Variants in ATP6V1H observed in about 807,000 individuals in gnomAD.
ATP6V1H encodes the protein ATPase H+ transporting V1 subunit H, also known as V-type proton ATPase subunit H.
A neutral mutation model predicts 71.7 loss-of-function variants in ATP6V1H; 39 were observed. The observed-to-expected ratio is 0.54, with a 90% CI of 0.42 to 0.71. The LOEUF is 0.71. ATP6V1H is among the 30% of genes least tolerant of loss of function. ATP6V1H has a pLI of 0.00. For missense variants in ATP6V1H, 509 were observed against 594.9 expected (o/e 0.86, Z 1.50); for synonymous variants, 192 against 199.3 (o/e 0.96, Z 0.31).
chr8:53,769,615 T>TA lies in ATP6V1H; in HGVS notation c.1175+2dup. 2.5e-6 allele frequency: 4 copies of TA among 1,610,070 alleles called. No individual in the cohort carries two copies. Among genetic ancestry groups the TA allele is most frequent in the Non-Finnish European group, 3.4e-6 (4 of 1,178,442 alleles). ...AGAGTGTAAAGTAGAACAAAAAACT[T>TA]ACTTCAAGAGTTCATAATTCTTCTC... On this transcript the variant is annotated splice_region_variant and intron_variant, in intron 11 of 13. Coordinates refer to ENST00000359530, the MANE Select transcript of ATP6V1H (RefSeq NM_015941.4).
chr8:53,814,096 T>G (rs910986296), intron 6 of ATP6V1H, among the ~76,000 whole-genome samples: 1 of 152,142 alleles, frequency 6.6e-6, no homozygotes, highest in Non-Finnish European at 1.5e-5. Flanking sequence ...CAGGACCAGT[T>G]TGTTTATTAG....
chr8:53,750,883 A>G (rs1208905200), intron 12 of ATP6V1H, among the ~76,000 whole-genome samples: 16 of 152,236 alleles, frequency 1.1e-4, no homozygotes. Flanking sequence ...ACAATTGAAC[A>G]ATCTACTGAT....
chr8:53,768,126 C>A (rs919774588), intron 11 of ATP6V1H, among the ~76,000 whole-genome samples: 2 of 152,154 alleles, frequency 1.3e-5, no homozygotes, highest in African/African-American at 4.8e-5. Context: ...AGCCAAGCAT[C>A]TGAACAGACA....
chr8:53,729,343 C>G (rs1293538731), intron 13 of ATP6V1H, among the ~76,000 whole-genome samples: 1 of 152,150 alleles, frequency 6.6e-6, no homozygotes, highest in Admixed American at 6.5e-5. Flanking sequence ...TTTGGAGAAA[C>G]AGAACACCCA....
At chr8:53,777,892 G>T (rs879189035) in intron 9 of ATP6V1H, among the ~76,000 whole-genome samples, 3 of 151,856 alleles carry the variant, frequency 2.0e-5, no homozygotes, top group Admixed American at 2.0e-4. Context: ...GTCCAGAAAA[G>T]AAAAAAGAAC....
At chr8:53,743,468 T>C (rs1402246170) in intron 13 of ATP6V1H, 109 bp downstream of exon 13, 12 of 754,986 alleles carry the variant, frequency 1.6e-5, no homozygotes, top group Non-Finnish European at 2.6e-5. Flanking sequence ...TGAATCAAAA[T>C]AACTAATTTT....
At chr8:53,718,857 G>T (rs1806520307) in intron 13 of ATP6V1H, among the ~76,000 whole-genome samples, 1 of 152,192 alleles carries the variant, frequency 6.6e-6, no homozygotes, top group South Asian at 2.1e-4. Context: ...AGATGAAAAA[G>T]GGTCCAACTA....
intron 7 of ATP6V1H, among the ~76,000 whole-genome samples, chr8:53,808,424 A>G (rs1270142086): frequency 6.6e-6 from 1 of 152,230 alleles, no homozygotes; most frequent in Non-Finnish European, 1.5e-5. Context: ...CAATTAGGAG[A>G]AGACAAATAA....
At chr8:53,772,786 A>G (rs141501617) in intron 9 of ATP6V1H, among the ~76,000 whole-genome samples, 4 of 152,280 alleles carry the variant, frequency 2.6e-5, no homozygotes, top group East Asian at 3.9e-4. Flanking sequence ...TCATGGAATT[A>G]AGCAATGTTT....
At chr8:53,762,244 C>T (rs1171493497) in intron 11 of ATP6V1H, among the ~76,000 whole-genome samples, 4 of 149,604 alleles carry the variant, frequency 2.7e-5, no homozygotes, top group Non-Finnish European at 5.9e-5. Flanking sequence ...AACTGTAATA[C>T]AAGATCTATA....
Position 53,795,737 on chromosome 8 carries a change from C to T in ATP6V1H, c.780G>A (p.Leu260=). The T allele has an allele frequency of 1.2e-6, 2 of 1,614,038 alleles. No homozygotes were observed. The highest frequency in any genetic ancestry group is 8.5e-7 in the Non-Finnish European group (1 of 1,179,972). Reference sequence around the variant, plus strand: ...GAACTGGAATGATATTATAGCGCCGCAGGTGTTCACACATTTGAGGACTGA... The same window carrying T: ...GAACTGGAATGATATTATAGCGCCGTAGGTGTTCACACATTTGAGGACTGA... ...LAFSPQMCEH[L]RRYNIIPVLS... The change falls in exon 9 of 14, where the codon CTG becomes CTA. Residue 260 remains leucine (L), a synonymous_variant. Transcript: ENST00000359530.
intron 9 of ATP6V1H, among the ~76,000 whole-genome samples, chr8:53,781,226 C>G (rs1471584453): frequency 6.6e-6 from 1 of 152,108 alleles, no homozygotes; most frequent in African/African-American, 2.4e-5. Flanking sequence ...TTTTAATAAT[C>G]GCCATTCTAA....
chr8:53,763,590 G>A (rs1808350820), intron 11 of ATP6V1H, among the ~76,000 whole-genome samples: 1 of 152,068 alleles, frequency 6.6e-6, no homozygotes, highest in African/African-American at 2.4e-5. Context: ...CATATAAAAT[G>A]TTAAGGGACC....
intron 11 of ATP6V1H, among the ~76,000 whole-genome samples, chr8:53,759,025 C>T (rs1808171830): frequency 6.6e-6 from 1 of 152,234 alleles, no homozygotes; most frequent in Non-Finnish European, 1.5e-5. Flanking sequence ...ATGGTGTACA[C>T]ACCAGCAGCA....
intron 9 of ATP6V1H, among the ~76,000 whole-genome samples, chr8:53,786,452 T>C (rs887135119): frequency 2.6e-5 from 4 of 152,168 alleles, no homozygotes; most frequent in African/African-American, 9.6e-5. Context: ...TTTCTTTGAC[T>C]AGGAAAGGGA....
chr8:53,828,901 T>A (rs1810906729), intron 4 of ATP6V1H, among the ~76,000 whole-genome samples: 2 of 152,066 alleles, frequency 1.3e-5, no homozygotes, highest in Non-Finnish European at 2.9e-5. Context: ...TACTCTAGTG[T>A]AAAATACATA....
Position 53,775,390 on chromosome 8 carries a change from G to A in ATP6V1H, c.871-3223C>T, listed in dbSNP as rs182082776. ...CGGGTTGCCAATGCTGGCTCGGGCA[G>A]CCTGCTTTTATTCTCTTATCTGGCC... On this transcript the variant is annotated intron_variant, in intron 9 of 13. Transcript: ENST00000359530. Among the ~76,000 whole-genome samples the A allele has an allele frequency of 5.3e-5, 8 of 152,336 alleles. No individual in the cohort carries two copies. In the East Asian group the frequency reaches 1.5e-3, roughly 29 times the overall value.
intron 4 of ATP6V1H, among the ~76,000 whole-genome samples, chr8:53,829,147 C>T (rs934449027): frequency 5.9e-5 from 9 of 152,134 alleles, no homozygotes; most frequent in Non-Finnish European, 1.2e-4. Context: ...ACAGAGCATC[C>T]AGAAAGCCTC....
chr8:53,769,818 C>A, intron 10 of ATP6V1H, 75 bp from the exon 11 acceptor site: 1 of 1,282,930 alleles, frequency 7.8e-7, no homozygotes, highest in South Asian at 1.5e-5. Context: ...AATAAAATGT[C>A]TTCACTTATT....
Sources: allele counts gnomAD v4.1 joint callset (sites outside exome capture counted in the v4.1 genomes callset), GRCh38; gene constraint gnomAD v4.1.1; transcripts MANE v1.5; gene names NCBI Gene and HGNC (gene_info 2026-07-23, HGNC 2026-07-21).